Variants in SHISA6 observed in about 807,000 individuals in gnomAD.
SHISA6 encodes the protein shisa family member 6.
In SHISA6, 22 loss-of-function variants were observed where a neutral mutation model predicts 47.9. The observed-to-expected ratio is 0.46, with a 90% confidence interval of 0.33 to 0.66. The LOEUF (loss-of-function observed/expected upper bound fraction) is 0.66, where lower values mean the gene tolerates loss of function less well. SHISA6 is among the 30% of genes least tolerant of loss of function. The pLI, the probability that SHISA6 is intolerant of heterozygous loss-of-function variation, is 0.02. For synonymous variants in SHISA6, 388 were observed against 337.8 expected (o/e 1.15, Z -1.63); for missense variants, 680 against 764.6 (o/e 0.89, Z 1.30).
At chr17:11,369,890 C>T (rs953134717) in intron 2 of SHISA6, among the ~76,000 whole-genome samples, 1 of 152,184 alleles carries the variant, frequency 6.6e-6, no homozygotes, top group Non-Finnish European at 1.5e-5. Context: ...CAGCCTTTTG[C>T]GTTGTTTTCT....
intron 2 of SHISA6, among the ~76,000 whole-genome samples, chr17:11,297,198 C>A (rs1909783420): frequency 6.6e-6 from 1 of 152,038 alleles, no homozygotes; most frequent in Non-Finnish European, 1.5e-5. Flanking sequence ...AGAGCTCCAT[C>A]TAGTGGAGAG....
rs537271473 is a variant in SHISA6 at position 11,422,952 on chromosome 17, G to A, written c.895+43443G>A. Among the ~76,000 whole-genome samples the A allele has an allele frequency of 1.5e-4, 23 of 150,964 alleles. No individual in the cohort carries two copies. The East Asian group carries it at 3.3e-3, about 22-fold the overall frequency. ...CAAAAATTGCTAGGTAGATTAAAAC[G>A]CATGGCTACAGTCACTAGAAAGAAG... On this transcript the variant is annotated intron_variant, in intron 3 of 5. Coordinates refer to ENST00000441885, the MANE Select transcript of SHISA6 (RefSeq NM_207386.4).
At chr17:11,440,848 C>T (rs1035237447) in intron 3 of SHISA6, among the ~76,000 whole-genome samples, 1 of 151,818 alleles carries the variant, frequency 6.6e-6, no homozygotes, top group African/African-American at 2.4e-5. Flanking sequence ...TGCAGACACT[C>T]CCAGCCATGC....
chr17:11,293,424 G>A (rs998453463), intron 2 of SHISA6, among the ~76,000 whole-genome samples: 2 of 152,172 alleles, frequency 1.3e-5, no homozygotes, highest in African/African-American at 2.4e-5. Flanking sequence ...ATTCGGCAGT[G>A]CCCTTTACTA....
chr17:11,515,245 A>G (rs994488619), intron 3 of SHISA6, among the ~76,000 whole-genome samples: 1 of 148,042 alleles, frequency 6.8e-6, no homozygotes, highest in Admixed American at 6.7e-5. Flanking sequence ...TCTTTCTCAA[A>G]AAAAAAAAAA....
chr17:11,330,340 T>C (rs563317586), intron 2 of SHISA6, among the ~76,000 whole-genome samples: 329 of 152,264 alleles, frequency 2.2e-3, no homozygotes, highest in Middle Eastern at 0.01. Context: ...ATGTTAGGGC[T>C]TCCAGGTAGA....
At chr17:11,307,455 A>G (rs1910162210) in intron 2 of SHISA6, among the ~76,000 whole-genome samples, 1 of 152,166 alleles carries the variant, frequency 6.6e-6, no homozygotes, top group Non-Finnish European at 1.5e-5. Flanking sequence ...TCGGAAGAGG[A>G]AAGCAAGAGG....
At chr17:11,349,363 C>T (rs1336556477) in intron 2 of SHISA6, among the ~76,000 whole-genome samples, 2 of 152,174 alleles carry the variant, frequency 1.3e-5, no homozygotes, top group Admixed American at 1.3e-4. Context: ...GGTTAACACC[C>T]CTCTCAGATT....
intron 3 of SHISA6, among the ~76,000 whole-genome samples, chr17:11,465,901 G>A (rs996711840): frequency 6.6e-6 from 1 of 152,170 alleles, no homozygotes; most frequent in Non-Finnish European, 1.5e-5. Context: ...AGACTCAGTA[G>A]AGACTTAGTG....
intron 3 of SHISA6, among the ~76,000 whole-genome samples, chr17:11,424,801 A>G (rs372517184): frequency 6.6e-6 from 1 of 152,018 alleles, no homozygotes. Context: ...CAGGAGATGG[A>G]AACTAGCCTG....
At chr17:11,273,876 C>T (rs1178711649) in intron 2 of SHISA6, among the ~76,000 whole-genome samples, 1 of 150,722 alleles carries the variant, frequency 6.6e-6, no homozygotes, top group Admixed American at 6.6e-5. Context: ...GGCCAAATCA[C>T]CATTCTGTTC....
intron 1 of SHISA6, among the ~76,000 whole-genome samples, chr17:11,243,802 C>G (rs1418694359): frequency 6.6e-6 from 1 of 152,182 alleles, no homozygotes; most frequent in African/African-American, 2.4e-5. Context: ...ATTAAACCTT[C>G]TGCTCTGACC....
intron 3 of SHISA6, among the ~76,000 whole-genome samples, chr17:11,510,574 CT>C (rs1369180107): frequency 6.6e-6 from 1 of 152,154 alleles, no homozygotes; most frequent in African/African-American, 2.4e-5. Flanking sequence ...GAGTAAAATC[CT>C]TGTTCTAGCT....
intron 2 of SHISA6, among the ~76,000 whole-genome samples, chr17:11,366,696 C>G (rs558805838): frequency 6.6e-6 from 1 of 152,184 alleles, no homozygotes; most frequent in South Asian, 2.1e-4. Flanking sequence ...ATGAAGCTTG[C>G]AAATCGTCCT....
chr17:11,540,734 T>C (rs554961079), intron 3 of SHISA6, among the ~76,000 whole-genome samples: 1 of 152,332 alleles, frequency 6.6e-6, no homozygotes, highest in South Asian at 2.1e-4. Context: ...GCCTTTAACA[T>C]GCATGGTAAA....
At chr17:11,525,631 CAAAAAAAAAAAAAAAAAAAACAAA>C (rs2071670158) in intron 3 of SHISA6, among the ~76,000 whole-genome samples, 1 of 58,906 alleles carries the variant, frequency 1.7e-5, no homozygotes, top group Non-Finnish European at 3.0e-5. Flanking sequence ...GACTCCGTCT[CAAAAAAAAAAAAAAAAAAAACAAA>C]AAAAAAAAAA....
chr17:11,491,370 G>A (rs112152883), intron 3 of SHISA6, among the ~76,000 whole-genome samples: 2 of 152,048 alleles, frequency 1.3e-5, no homozygotes, highest in East Asian at 1.9e-4. Context: ...GGACAATCAC[G>A]GCCCACTGCA....
intron 2 of SHISA6, among the ~76,000 whole-genome samples, chr17:11,320,701 G>C (rs1217073563): frequency 6.6e-6 from 1 of 151,906 alleles, no homozygotes; most frequent in African/African-American, 2.4e-5. Context: ...AGAAACCAAG[G>C]AGGAGGAGGA....
chr17:11,305,675 G>A (rs558411948), intron 2 of SHISA6, among the ~76,000 whole-genome samples: 7 of 152,270 alleles, frequency 4.6e-5, no homozygotes, highest in South Asian at 4.1e-4. Context: ...CCCAGAACCC[G>A]GAACATTTTC....
Sources: gnomAD v4.1 joint callset for allele counts (sites outside exome capture counted in the v4.1 genomes callset) on GRCh38, gnomAD v4.1.1 for gene constraint, MANE v1.5 for transcripts, NCBI Gene and HGNC (gene_info 2026-07-23, HGNC 2026-07-21) for gene names.